ANO3: variants seen among roughly 807,000 people sequenced by gnomAD.
ANO3 encodes anoctamin-3.
Under a neutral mutation model 144.8 loss-of-function variants are expected in ANO3, and 99 were observed. That is an observed-to-expected ratio of 0.68 (90% CI 0.58 to 0.81). The LOEUF (loss-of-function observed/expected upper bound fraction) is 0.81, where lower values mean the gene tolerates loss of function less well. ANO3 is among the 30% of genes least tolerant of loss of function. The pLI is 0.00. For missense variants in ANO3, 905 were observed against 1,202.2 expected (o/e 0.75, Z 3.66); for synonymous variants, 414 against 392.6 (o/e 1.05, Z -0.64).
At chr11:26,519,342 T>C (rs1861979317) in intron 6 of ANO3, among the ~76,000 whole-genome samples, 1 of 152,164 alleles carries the variant, frequency 6.6e-6, no homozygotes, top group Non-Finnish European at 1.5e-5. Flanking sequence ...GAAGATTGGT[T>C]CCATTTTTTT....
At chr11:26,329,609 T>C (rs965970828), upstream of ANO3, among the ~76,000 whole-genome samples, 1 of 151,876 alleles carries the variant, frequency 6.6e-6, no homozygotes, top group African/African-American at 2.4e-5. Context: ...GTGTTAGAAA[T>C]AATAACAAAC....
At chr11:26,415,966 C>A (rs994552593) in intron 1 of ANO3, among the ~76,000 whole-genome samples, 1 of 151,944 alleles carries the variant, frequency 6.6e-6, no homozygotes, top group African/African-American at 2.4e-5. Flanking sequence ...TGAATTGAAT[C>A]GATTATTCTT....
intron 12 of ANO3, among the ~76,000 whole-genome samples, chr11:26,551,785 G>A (rs1210179976): frequency 6.6e-6 from 1 of 151,760 alleles, no homozygotes; most frequent in East Asian, 1.9e-4. Context: ...GACATAAGAG[G>A]AGATATAATC....
chr11:26,567,929 A>G (rs1850659680), intron 14 of ANO3, among the ~76,000 whole-genome samples: 1 of 152,008 alleles, frequency 6.6e-6, no homozygotes, highest in Non-Finnish European at 1.5e-5. Context: ...TATAAAGTTC[A>G]AAAACAGGCA....
intron 14 of ANO3, among the ~76,000 whole-genome samples, chr11:26,572,973 T>C (rs1850884952): frequency 6.6e-6 from 1 of 152,030 alleles, no homozygotes; most frequent in Non-Finnish European, 1.5e-5. Context: ...AATACTAGAG[T>C]TGAATAACAA....
chr11:26,387,088 AAG>A (rs1282188100), intron 1 of ANO3, among the ~76,000 whole-genome samples: 14 of 150,484 alleles, frequency 9.3e-5, no homozygotes, highest in Admixed American at 2.0e-4. Context: ...GACAGAGAGA[AAG>A]AGAGAGAGAG....
chr11:26,290,214 T>C (rs550084766), intron 1 of ANO3, among the ~76,000 whole-genome samples: 47 of 152,324 alleles, frequency 3.1e-4, no homozygotes, highest in South Asian at 6.2e-4. Flanking sequence ...GTTTATAGTG[T>C]TCTCTGATGG....
chr11:26,408,955 T>G (rs1165195488), intron 1 of ANO3, among the ~76,000 whole-genome samples: 1 of 149,562 alleles, frequency 6.7e-6, no homozygotes, highest in East Asian at 2.0e-4. Flanking sequence ...AAGGGGAACA[T>G]CACACTCCGG....
chr11:26,640,201 T>G (rs969261268), intron 21 of ANO3, among the ~76,000 whole-genome samples: 1 of 127,866 alleles, frequency 7.8e-6, no homozygotes, highest in African/African-American at 2.6e-5. Flanking sequence ...CTTGCTAAAT[T>G]TGCTTAATAT....
At chr11:26,215,948 C>G (rs1852028048) in intron 1 of ANO3, among the ~76,000 whole-genome samples, 1 of 151,912 alleles carries the variant, frequency 6.6e-6, no homozygotes, top group African/African-American at 2.4e-5. Flanking sequence ...CCATTCAAAA[C>G]TACTTCATCA....
chr11:26,547,582 T>C (rs1224401498), intron 12 of ANO3, 32 bp downstream of exon 12: 4 of 1,602,828 alleles, frequency 2.5e-6, no homozygotes, highest in Middle Eastern at 1.7e-4. Flanking sequence ...TAAAAATATT[T>C]GGCTTGTCTT....
chr11:26,424,413 A>G (rs1282842707), intron 1 of ANO3, among the ~76,000 whole-genome samples: 1 of 151,934 alleles, frequency 6.6e-6, no homozygotes, highest in Non-Finnish European at 1.5e-5. Flanking sequence ...ATTTCAGACA[A>G]TTTATATGTA....
chr11:26,399,523 G>C lies in ANO3; in HGVS notation c.47-42395G>C, dbSNP rs552545161. Among the ~76,000 whole-genome samples the C allele has an allele frequency of 1.5e-4, 23 of 151,812 alleles. No individual in the cohort carries two copies. In the South Asian group the frequency reaches 4.8e-3, roughly 32 times the overall value. ...CTACAGCACTCAACATCTGGACTTC[G>C]TTCTGTCTCTGTGGGAGGCCCATAT... On this transcript the variant is annotated intron_variant, in intron 1 of 26. Coordinates refer to ENST00000256737, the MANE Select transcript of ANO3 (RefSeq NM_031418.4).
At position 26,660,298 on chromosome 11, in the gene ANO3, C is replaced by T. The variant is rs778690266; in HGVS notation, c.2800C>T (p.Leu934=). 3.7e-6 allele frequency: 6 copies of T among 1,612,960 alleles called. No homozygotes were observed. The Admixed American group carries it at 8.3e-5, about 22-fold the overall frequency. ...VFGIKSFIAY[L]IPDVPKGLHD... ...TGGGATTAAGTCATTCATCGCATAC[C>T]TGATTCCAGACGTACCAAAGGGTCT... is the stretch of plus-strand genomic sequence containing the variant. Residue 934 remains leucine (L), a synonymous_variant, in exon 27 of 27, where the codon CTG becomes TTG. Transcript: ENST00000256737.
chr11:26,567,991 G>A (rs1435302448), intron 14 of ANO3, among the ~76,000 whole-genome samples: 1 of 151,972 alleles, frequency 6.6e-6, no homozygotes, highest in Non-Finnish European at 1.5e-5. Flanking sequence ...GAAGTAAACA[G>A]AATTGATTGG....
intron 1 of ANO3, among the ~76,000 whole-genome samples, chr11:26,213,791 C>G (rs1851982151): frequency 1.3e-5 from 2 of 151,640 alleles, no homozygotes; most frequent in Non-Finnish European, 3.0e-5. Flanking sequence ...AAGTTTTTGA[C>G]TTTTCAAGAA....
chr11:26,395,161 T>A (rs1221958655), intron 1 of ANO3, among the ~76,000 whole-genome samples: 1 of 152,174 alleles, frequency 6.6e-6, no homozygotes, highest in Admixed American at 6.5e-5. Context: ...AGTACCATGC[T>A]ATTTTGGTTA....
At chr11:26,430,247 T>TAAA (rs11439260) in intron 1 of ANO3, among the ~76,000 whole-genome samples, 1 of 144,942 alleles carries the variant, frequency 6.9e-6, no homozygotes, top group Admixed American at 7.0e-5. Flanking sequence ...AGCAACTGTC[T>TAAA]AAAAAAAAAA....
chr11:26,518,792 A>G (rs2134156130), intron 6 of ANO3, among the ~76,000 whole-genome samples: 1 of 152,142 alleles, frequency 6.6e-6, no homozygotes, highest in African/African-American at 2.4e-5. Context: ...AGCATATACA[A>G]TTATTCATAC....
Sources: allele counts gnomAD v4.1 joint callset (sites outside exome capture counted in the v4.1 genomes callset), GRCh38; gene constraint gnomAD v4.1.1; transcripts MANE v1.5; gene names NCBI Gene and HGNC (gene_info 2026-07-23, HGNC 2026-07-21).